YBX1: variants seen among roughly 807,000 people sequenced by gnomAD.
YBX1 encodes Y-box binding protein 1.
Under a neutral mutation model 41.4 loss-of-function variants are expected in YBX1, and 3 were observed. The observed-to-expected ratio is 0.07, with a 90% CI of 0.03 to 0.19. The LOEUF is 0.19. Ranked by LOEUF, YBX1 falls within the 10% of genes least tolerant of loss-of-function variation. The pLI, the probability that YBX1 is intolerant of heterozygous loss-of-function variation, is 1.00. For synonymous variants in YBX1, 133 were observed against 165.8 expected, an observed-to-expected ratio of 0.80 and a Z score of 1.52; for missense variants, 274 against 462.8, an observed-to-expected ratio of 0.59 and a Z score of 3.74.
At chr1:42,689,956 AATG>A (rs1650289683) in intron 2 of YBX1, among the ~76,000 whole-genome samples, 1 of 152,198 alleles carries the variant, frequency 6.6e-6, no homozygotes, top group Non-Finnish European at 1.5e-5. Context: ...CTACCTTAGT[AATG>A]TAAGTTATTA....
At chr1:42,689,573 G>A (rs1480298953) in intron 2 of YBX1, among the ~76,000 whole-genome samples, 1 of 152,172 alleles carries the variant, frequency 6.6e-6, no homozygotes, top group Non-Finnish European at 1.5e-5. Flanking sequence ...TAGATATACA[G>A]CTAGGATAAA....
At chr1:42,685,511 TAAAAG>T (rs1370329686) in intron 2 of YBX1, among the ~76,000 whole-genome samples, 2 of 152,234 alleles carry the variant, frequency 1.3e-5, no homozygotes, top group African/African-American at 2.4e-5. Context: ...ATGTATGTGA[TAAAAG>T]AAATCACTTT....
intron 2 of YBX1, among the ~76,000 whole-genome samples, chr1:42,692,345 A>T (rs1650361123): frequency 6.6e-6 from 1 of 152,186 alleles, no homozygotes; most frequent in Admixed American, 6.5e-5. Context: ...GGACAGATGG[A>T]CATTAGGTAC....
chr1:42,694,218 T>C (rs1025290654), intron 3 of YBX1, among the ~76,000 whole-genome samples: 12 of 152,308 alleles, frequency 7.9e-5, no homozygotes, highest in Admixed American at 2.6e-4. Context: ...TGATGAGTAC[T>C]GCATAGTGAA....
intron 2 of YBX1, among the ~76,000 whole-genome samples, chr1:42,685,657 G>T (rs1319203245): frequency 6.6e-6 from 1 of 152,202 alleles, no homozygotes; most frequent in Non-Finnish European, 1.5e-5. Context: ...AAAGGAGAGG[G>T]TGCAGTGTTC....
intron 1 of YBX1, 83 bp from the exon 2 acceptor site, chr1:42,683,320 G>T: frequency 6.4e-7 from 1 of 1,557,620 alleles, no homozygotes; most frequent in Non-Finnish European, 8.9e-7. Context: ...GCCGGCGTGC[G>T]AGGGACCGGA....
rs1650058462 is a variant in YBX1, at chr1:42,682,546, C to T, written c.-20C>T. On this transcript the variant is annotated 5_prime_UTR_variant, in exon 1 of 8. Transcript: ENST00000321358. ...GAGCCGCAGCTGCCGCAGCCGGCCC[C>T]AGTCACCATCACCGCAACCATGAGC... 1.4e-6 allele frequency: 2 copies of T among 1,451,104 alleles called. No individual in the cohort carries two copies. Among genetic ancestry groups the T allele is most frequent in the Non-Finnish European group, 1.8e-6 (2 of 1,107,956 alleles). The allele number at this position is 1,451,104 out of a possible 1,614,324, so 89.9% of individuals were successfully genotyped here. A position where few individuals can be genotyped will look rare whatever the true frequency, so the allele number is the denominator to read the frequency against.
intron 2 of YBX1, among the ~76,000 whole-genome samples, chr1:42,684,640 T>C (rs993514830): frequency 6.6e-6 from 1 of 152,214 alleles, no homozygotes; most frequent in Non-Finnish European, 1.5e-5. Flanking sequence ...TGGGAAAATA[T>C]TTTGTTTCTT....
chr1:42,698,684 G>A (rs1650519741), intron 6 of YBX1, among the ~76,000 whole-genome samples: 1 of 152,188 alleles, frequency 6.6e-6, no homozygotes, highest in African/African-American at 2.4e-5. Context: ...CGGTTGATTT[G>A]TCTCTTAGAA....
intron 1 of YBX1, 180 bp from the exon 2 acceptor site, chr1:42,683,223 G>A (rs1321410741): frequency 1.3e-6 from 1 of 750,420 alleles, no homozygotes; most frequent in Admixed American, 2.0e-5. Context: ...CCGCGCTTCA[G>A]ACTCACCCAC....
intron 2 of YBX1, among the ~76,000 whole-genome samples, chr1:42,690,247 CTTT>C (rs201469298): frequency 3.1e-4 from 45 of 143,932 alleles, no homozygotes; most frequent in African/African-American, 1.0e-3. Context: ...TTTTTCTTTT[CTTT>C]TTTTTTTTTT....
chr1:42,684,081 T>A (rs2148734681), intron 2 of YBX1, among the ~76,000 whole-genome samples: 1 of 152,358 alleles, frequency 6.6e-6, no homozygotes, highest in Non-Finnish European at 1.5e-5. Context: ...CCGTTCTTAT[T>A]TTTCATTCTT....
In YBX1 at chr1:42,700,796, A is replaced by G. The variant is rs760131332; in HGVS notation, c.756A>G (p.Gln252=). Residue 252 remains glutamine, a synonymous_variant, in exon 7 of 8, where the codon CAA becomes CAG. Coordinates refer to ENST00000321358, the MANE Select transcript of YBX1 (RefSeq NM_004559.5). ...TTCATTGCAGGGGCCCTCCTCGCCA[A>G]AGACAGCCTAGAGAGGACGGCAATG... ...RPRFRRGPPR[Q]RQPREDGNEE... is the part of the protein sequence containing the mutation. The G allele has an allele frequency of 5.0e-6, 8 of 1,611,560 alleles. No homozygotes were observed. In the South Asian group the frequency reaches 8.8e-5, roughly 18 times the overall value.
At chr1:42,697,151 G>A in intron 5 of YBX1, 29 bp from the exon 6 acceptor site, 1 of 1,606,230 alleles carries the variant, frequency 6.2e-7, no homozygotes, top group Non-Finnish European at 8.5e-7. Context: ...TACTGACCCA[G>A]TAGGCTTAAT....
rs16829864 is a variant in YBX1 at position 42,691,653 on chromosome 1, G to A, written c.231-1837G>A. Among the ~76,000 whole-genome samples, 604 of 152,256 alleles carry A rather than the reference G, an allele frequency of 4.0e-3. 3 individuals carry two copies. Among genetic ancestry groups the A allele is most frequent in the African/African-American group, 0.014 (576 of 41,540 alleles). On this transcript the variant is annotated intron_variant, in intron 2 of 7. Coordinates refer to ENST00000321358, the MANE Select transcript of YBX1 (RefSeq NM_004559.5). ...ATGATGTATTACCCAGATACCATGA[G>A]TAGCATTATCAGTAATGAAAAATTC... is the stretch of plus-strand genomic sequence containing the variant.
At chr1:42,687,519 T>TA (rs1460762099) in intron 2 of YBX1, among the ~76,000 whole-genome samples, 1 of 152,122 alleles carries the variant, frequency 6.6e-6, no homozygotes, top group African/African-American at 2.4e-5. Context: ...TGACCTCAGG[T>TA]GATCCACCCG....
At position 42,696,346 on chromosome 1, in the gene YBX1, C is replaced by T; in HGVS notation, c.354+58C>T. On this transcript the variant is annotated intron_variant, in intron 4 of 7. Coordinates refer to ENST00000321358, the MANE Select transcript of YBX1 (RefSeq NM_004559.5). The surrounding 1 kb of genome is among the most constrained non-coding windows in gnomAD (Gnocchi z 5.7). Reference sequence around the variant, plus strand: ...CAGTATGGAAATATTTTGGAGGTCTCATCCATTAGGATGGTGGCTCTAATG... The same window carrying T: ...CAGTATGGAAATATTTTGGAGGTCTTATCCATTAGGATGGTGGCTCTAATG... The T allele has an allele frequency of 1.3e-6, 2 of 1,557,342 alleles. No homozygotes were observed. Among genetic ancestry groups the T allele is most frequent in the South Asian group, 1.1e-5 (1 of 86,970 alleles).
At position 42,682,482 on chromosome 1, in the gene YBX1, A is replaced by G; in HGVS notation, c.-84A>G. 1.5e-6 allele frequency: 2 copies of G among 1,339,998 alleles called. No homozygotes were observed. Among genetic ancestry groups the G allele is most frequent in the Non-Finnish European group, 1.9e-6 (2 of 1,047,174 alleles). The allele number at this position is 1,339,998 out of a possible 1,614,324, so 83.0% of individuals were successfully genotyped here. A position where few individuals can be genotyped will look rare whatever the true frequency, so the allele number is the denominator to read the frequency against. On this transcript the variant is annotated 5_prime_UTR_variant, in exon 1 of 8. Coordinates refer to ENST00000321358, the MANE Select transcript of YBX1 (RefSeq NM_004559.5). ...ACCCCAGAGAGCCCTGAGCAGCCCCACCGCCGCCGCCGGCCTAGTTACCAT... is the reference window on the plus strand; with the variant it reads ...ACCCCAGAGAGCCCTGAGCAGCCCCGCCGCCGCCGCCGGCCTAGTTACCAT...
At chr1:42,685,289 C>T (rs1459576463) in intron 2 of YBX1, among the ~76,000 whole-genome samples, 1 of 152,148 alleles carries the variant, frequency 6.6e-6, no homozygotes, top group Non-Finnish European at 1.5e-5. Context: ...TTGGAATCAA[C>T]TCAATTGGTC....
Sources: gnomAD v4.1 joint callset for allele counts (sites outside exome capture counted in the v4.1 genomes callset) on GRCh38, gnomAD v4.1.1 for gene constraint, Gnocchi (gnomAD v3.1) non-coding constraint, MANE v1.5 for transcripts, NCBI Gene and HGNC (gene_info 2026-07-23, HGNC 2026-07-21) for gene names.